The following ZNF215 variants were observed in gnomAD, a reference collection of about 807,000 sequenced individuals.
ZNF215 encodes the protein BWSCR2-associated zinc finger protein 2.
A neutral mutation model predicts 27.2 loss-of-function variants in ZNF215; 24 were observed. The ratio of observed to expected loss-of-function variants is 0.88; its 90% confidence interval spans 0.64 to 1.24. The LOEUF (loss-of-function observed/expected upper bound fraction) is 1.24, where lower values mean the gene tolerates loss of function less well. Among genes scored for constraint, ZNF215 ranks in the 50% most tolerant of loss-of-function variants. ZNF215 has a pLI of 0.00. For missense variants in ZNF215, 675 were observed against 605.7 expected (o/e 1.11, Z -1.20); for synonymous variants, 210 against 204.0 (o/e 1.03, Z -0.25).
intron 5 of ZNF215, among the ~76,000 whole-genome samples, chr11:6,982,708 A>G (rs1160916554): frequency 2.6e-5 from 4 of 151,988 alleles, no homozygotes; most frequent in Admixed American, 6.6e-5. Context: ...TTTGAAACCA[A>G]CGAGAACAAA....
rs1176625844 is a variant in ZNF215, at chr11:6,956,322, G to C, written c.1345G>C (p.Asp449His). 1 of 1,614,168 alleles carries C rather than the reference G, an allele frequency of 6.2e-7. No individual in the cohort carries two copies. Among genetic ancestry groups the C allele is most frequent in the South Asian group, 1.1e-5 (1 of 91,076 alleles). ...KCGKAFSKSEDSNNPTLHFGN... is the reference protein window; with the variant it reads ...KCGKAFSKSEHSNNPTLHFGN... ...TGGAAAGGCCTTCAGTAAAAGTGAAGACAGTAATAATCCAACACTCCATTT... is the reference window on the plus strand; with the variant it reads ...TGGAAAGGCCTTCAGTAAAAGTGAACACAGTAATAATCCAACACTCCATTT... The change falls in exon 7 of 7, where the codon GAC (aspartate) becomes CAC (histidine). Residue 449 changes from aspartate to histidine, a missense_variant. By Grantham distance (81) the Asp-to-His change is moderately conservative (BLOSUM62 -1). Coordinates refer to ENST00000278319, the MANE Select transcript of ZNF215 (RefSeq NM_013250.4).
chr11:6,971,703 A>T (rs1370108221), intron 5 of ZNF215, among the ~76,000 whole-genome samples: 1 of 152,128 alleles, frequency 6.6e-6, no homozygotes, highest in Non-Finnish European at 1.5e-5. Context: ...AGACATAGAA[A>T]ATTGTTAGGA....
rs541974555 is a variant in ZNF215 at position 6,975,157 on chromosome 11, G to GT, written c.806-8966dup. On this transcript the variant is annotated intron_variant, in intron 5 of 5. Coordinates refer to the ZNF215 transcript ENST00000529903. ...CTGCATCTATTGAGATAATCATGTG[G>GT]TTTTTTGTCTTTGGTTCTGTTCATA... Among the ~76,000 whole-genome samples, 522 of 152,086 alleles carry GT rather than the reference G, an allele frequency of 3.4e-3. 2 individuals are homozygous for GT. The highest frequency in any genetic ancestry group is 6.0e-3 in the Non-Finnish European group (408 of 67,970).
intron 6 of ZNF215, among the ~76,000 whole-genome samples, chr11:6,944,702 T>A (rs1849755642): frequency 2.0e-5 from 3 of 152,214 alleles, no homozygotes; most frequent in Admixed American, 2.0e-4. Context: ...GTATTAACAT[T>A]TTTTAAGCCA....
Position 6,956,579 on chromosome 11 carries a change from T to C in ZNF215, c.*48T>C. The C allele has an allele frequency of 6.7e-7, 1 of 1,498,448 alleles. No homozygotes were observed. Among genetic ancestry groups the C allele is most frequent in the Non-Finnish European group, 8.8e-7 (1 of 1,131,642 alleles). The allele number at this position is 1,498,448 out of a possible 1,614,324, so 92.8% of individuals were successfully genotyped here. ...CCTTCAGTCAGAATGCAGAACTCATTTAACATCATGAATTTATGCTGGATA... is the reference window on the plus strand; with the variant it reads ...CCTTCAGTCAGAATGCAGAACTCATCTAACATCATGAATTTATGCTGGATA... On this transcript the variant is annotated 3_prime_UTR_variant, in exon 7 of 7. Transcript: ENST00000278319.
chr11:6,953,984 G>T (rs916412019), intron 6 of ZNF215, among the ~76,000 whole-genome samples: 3 of 152,192 alleles, frequency 2.0e-5, no homozygotes, highest in African/African-American at 7.2e-5. Flanking sequence ...GTCTGTTGGA[G>T]TTTGCTAGAG....
At chr11:6,940,849 A>C (rs1353673720) in intron 3 of ZNF215, among the ~76,000 whole-genome samples, 2 of 152,340 alleles carry the variant, frequency 1.3e-5, no homozygotes, top group East Asian at 3.9e-4. Context: ...TTTAACATCA[A>C]AAGAAAGTCC....
chr11:6,946,060 ACTT>A (rs1849805166), intron 6 of ZNF215, among the ~76,000 whole-genome samples: 1 of 151,016 alleles, frequency 6.6e-6, no homozygotes, highest in East Asian at 2.0e-4. Context: ...TCTTGACACA[ACTT>A]CTTCTCCTTC....
intron 6 of ZNF215, among the ~76,000 whole-genome samples, chr11:6,952,208 C>T (rs1804714103): frequency 6.6e-6 from 1 of 152,140 alleles, no homozygotes; most frequent in Non-Finnish European, 1.5e-5. Context: ...AATGTACATT[C>T]TGTTGATTTG....
chr11:6,961,142 A>G (rs973274057), downstream of ZNF215, among the ~76,000 whole-genome samples: 4 of 152,122 alleles, frequency 2.6e-5, no homozygotes, highest in Admixed American at 6.6e-5. Context: ...CATTTGGTCC[A>G]TCGTAGAATT....
downstream of ZNF215, among the ~76,000 whole-genome samples, chr11:6,989,435 C>T (rs898291293): frequency 1.5e-4 from 23 of 152,140 alleles, no homozygotes; most frequent in Admixed American, 1.3e-3. Context: ...CTACTAGGCC[C>T]TAGTGGACAC....
intron 5 of ZNF215, among the ~76,000 whole-genome samples, chr11:6,970,596 G>A (rs986367727): frequency 1.3e-5 from 2 of 152,110 alleles, no homozygotes; most frequent in African/African-American, 2.4e-5. Context: ...AAAAACAAGG[G>A]ATAATTTAAA....
intron 6 of ZNF215, among the ~76,000 whole-genome samples, chr11:6,951,204 T>C (rs1362373230): frequency 2.0e-5 from 3 of 152,108 alleles, no homozygotes; most frequent in African/African-American, 7.2e-5. Context: ...CTTTTTTTGT[T>C]GTGTCTCTGC....
chr11:6,937,226 C>G (rs1849468060), intron 3 of ZNF215, among the ~76,000 whole-genome samples: 1 of 151,902 alleles, frequency 6.6e-6, no homozygotes, highest in Non-Finnish European at 1.5e-5. Flanking sequence ...CTCAAAGTTG[C>G]AGGATGCAAA....
chr11:6,976,805 T>C (rs1850843074), intron 5 of ZNF215, among the ~76,000 whole-genome samples: 1 of 152,124 alleles, frequency 6.6e-6, no homozygotes, highest in Admixed American at 6.6e-5. Flanking sequence ...GTTTTCTGTT[T>C]CTTCTATAAG....
intron 6 of ZNF215, among the ~76,000 whole-genome samples, chr11:6,954,379 G>T (rs1282482029): frequency 6.6e-6 from 1 of 152,226 alleles, no homozygotes; most frequent in Non-Finnish European, 1.5e-5. Flanking sequence ...TTGAGCTGTG[G>T]TGGGCTCCAC....
intron 5 of ZNF215, among the ~76,000 whole-genome samples, chr11:6,976,611 T>C (rs974536104): frequency 2.0e-5 from 3 of 152,046 alleles, no homozygotes; most frequent in Non-Finnish European, 4.4e-5. Flanking sequence ...ATTTAATAAT[T>C]CCATTTAAGA....
At chr11:6,988,219 G>C, downstream of ZNF215, 1 of 985,444 alleles carries the variant, frequency 1.0e-6, no homozygotes. Context: ...TCGATAGGGA[G>C]AACACACTGA....
downstream of ZNF215, among the ~76,000 whole-genome samples, chr11:6,990,983 G>A (rs1851109928): frequency 6.6e-6 from 1 of 152,212 alleles, no homozygotes; most frequent in Admixed American, 6.5e-5. Flanking sequence ...AAGGCATTAT[G>A]GAAATTGGCA....
Sources: allele counts gnomAD v4.1 joint callset (sites outside exome capture counted in the v4.1 genomes callset), GRCh38; gene constraint gnomAD v4.1.1; transcripts MANE v1.5; gene names NCBI Gene and HGNC (gene_info 2026-07-23, HGNC 2026-07-21).